Variants in EFCAB11 observed in about 807,000 individuals in gnomAD.
The protein encoded by EFCAB11 is EF-hand calcium-binding domain-containing protein 11.
EFCAB11 carries 14 observed loss-of-function variants against 23.0 expected under a neutral mutation model. The observed-to-expected ratio is 0.61, with a 90% CI of 0.40 to 0.95. The LOEUF (loss-of-function observed/expected upper bound fraction) is 0.95, where lower values mean the gene tolerates loss of function less well. Ranked by LOEUF, EFCAB11 falls within the 40% of genes least tolerant of loss-of-function variation. The pLI is 0.00. For missense variants in EFCAB11, 198 were observed against 195.8 expected (o/e 1.01, Z -0.07); for synonymous variants, 65 against 66.6 (o/e 0.98, Z 0.11).
chr14:89,835,643 T>TGTGTGTGTGTGTGTG (rs1491344939), intron 5 of EFCAB11, among the ~76,000 whole-genome samples: 94 of 138,878 alleles, frequency 6.8e-4, no homozygotes, highest in South Asian at 1.8e-3. Flanking sequence ...TGTGTGTGTG[T>TGTGTGTGTGTGTGTG]TTGAGACGTT....
intron 5 of EFCAB11, among the ~76,000 whole-genome samples, chr14:89,847,214 C>T (rs1887456650): frequency 6.6e-6 from 1 of 152,156 alleles, no homozygotes; most frequent in South Asian, 2.1e-4. Context: ...TTTTTGATCT[C>T]CTGATGGCAT....
At chr14:89,846,319 G>T (rs1887430366) in intron 5 of EFCAB11, among the ~76,000 whole-genome samples, 1 of 152,192 alleles carries the variant, frequency 6.6e-6, no homozygotes, top group Admixed American at 6.5e-5. Context: ...GATTCTATCA[G>T]ATTTCTTGGA....
In EFCAB11 at chr14:89,893,789, AC is replaced by A. The variant is rs1488954259; in HGVS notation, c.410+37751del. 1.9e-3 allele frequency among the ~76,000 whole-genome samples: 286 copies of A among 151,434 alleles called. 1 individual carries two copies. Among genetic ancestry groups the A allele is most frequent in the African/African-American group, 6.5e-3 (269 of 41,336 alleles). On this transcript the variant is annotated intron_variant, in intron 5 of 5. Coordinates refer to ENST00000316738, the MANE Select transcript of EFCAB11 (RefSeq NM_145231.4). Reference sequence around the variant, plus strand: ...GCACACTCGTCTCCAAAAAAAAAAAACAAACAAACAAAAAAAAAGATAATAG... The same window carrying A: ...GCACACTCGTCTCCAAAAAAAAAAAAAAACAAACAAAAAAAAAGATAATAG...
chr14:89,925,143 G>A (rs1452062929), intron 5 of EFCAB11, among the ~76,000 whole-genome samples: 1 of 152,198 alleles, frequency 6.6e-6, no homozygotes, highest in Non-Finnish European at 1.5e-5. Flanking sequence ...AACCTGGACA[G>A]GTAAGAGTAG....
intron 5 of EFCAB11, among the ~76,000 whole-genome samples, chr14:89,855,431 G>A (rs150496720): frequency 1.3e-5 from 2 of 151,936 alleles, no homozygotes; most frequent in Admixed American, 6.6e-5. Flanking sequence ...AGCCATGATC[G>A]TGCCTCTGTA....
rs10530483 is a variant in EFCAB11 at position 89,881,452 on chromosome 14, C to CATATATATATATATATATATAT, written c.410+50088_410+50089insATATATATATATATATATATAT. Among the ~76,000 whole-genome samples, 262 of 46,710 alleles carry CATATATATATATATATATATAT rather than the reference C, an allele frequency of 5.6e-3. 40 individuals are homozygous for CATATATATATATATATATATAT. The highest frequency in any genetic ancestry group is 0.012 in the African/African-American group (166 of 13,950). 30.6% of individuals were successfully genotyped at this position (46,710 alleles called of 152,430 possible). ...ATTTTTGGTCTACTTTATGACTTGG[C>CATATATATATATATATATATAT]ATATATATATATATTCTTTTTTTTT... On this transcript the variant is annotated intron_variant, in intron 5 of 5. Coordinates refer to ENST00000316738, the MANE Select transcript of EFCAB11 (RefSeq NM_145231.4).
In EFCAB11 at chr14:89,822,149, T is replaced by G. The variant is rs556620702; in HGVS notation, c.411-24825A>C. Among the ~76,000 whole-genome samples the G allele has an allele frequency of 8.5e-5, 13 of 152,116 alleles. No individual in the cohort carries two copies. The East Asian group carries it at 2.1e-3, about 25-fold the overall frequency. The stretch of plus-strand genomic sequence containing the variant: ...AATCTATTGTTAAAACACTGGAGCT[T>G]CTGGTGCGACCAGAGATGAAAACAC... On this transcript the variant is annotated intron_variant, in intron 5 of 5. Transcript: ENST00000316738.
At chr14:89,944,889 GATCTAATAATAA>G (rs1374324962) in intron 3 of EFCAB11, among the ~76,000 whole-genome samples, 10 of 144,906 alleles carry the variant, frequency 6.9e-5, no homozygotes, top group Middle Eastern at 3.7e-3. Flanking sequence ...GATTTTATTA[GATCTAATAATAA>G]ATCTAATAAA....
chr14:89,873,129 T>C (rs1888334082), intron 5 of EFCAB11, among the ~76,000 whole-genome samples: 2 of 152,148 alleles, frequency 1.3e-5, no homozygotes, highest in Admixed American at 1.3e-4. Context: ...TGACTCACAG[T>C]TCCACATGGC....
chr14:89,896,598 G>A (rs910569098), intron 5 of EFCAB11, among the ~76,000 whole-genome samples: 2 of 151,284 alleles, frequency 1.3e-5, no homozygotes, highest in Non-Finnish European at 2.9e-5. Context: ...ATGGGCACTA[G>A]GAATTATGAC....
chr14:89,919,107 C>T (rs920694630), intron 5 of EFCAB11, among the ~76,000 whole-genome samples: 65 of 151,762 alleles, frequency 4.3e-4, no homozygotes, highest in African/African-American at 1.4e-3. Context: ...GGATCAAGGC[C>T]GGCACCAGGG....
intron 5 of EFCAB11, among the ~76,000 whole-genome samples, chr14:89,850,817 A>G (rs1418747688): frequency 8.5e-5 from 13 of 152,216 alleles, no homozygotes; most frequent in Non-Finnish European, 1.5e-5. Flanking sequence ...TTCACGCTAC[A>G]TGGCCTCATT....
chr14:89,817,516 C>T (rs1252001778), intron 5 of EFCAB11, among the ~76,000 whole-genome samples: 1 of 151,718 alleles, frequency 6.6e-6, no homozygotes, highest in Admixed American at 6.6e-5. Context: ...GCTGAGACTC[C>T]TTCTTAAAAA....
intron 5 of EFCAB11, among the ~76,000 whole-genome samples, chr14:89,857,911 T>C (rs780671244): frequency 6.6e-6 from 1 of 152,180 alleles, no homozygotes; most frequent in Non-Finnish European, 1.5e-5. Context: ...AATAATAAAG[T>C]AGAAACCAGA....
chr14:89,883,353 T>A (rs1253984211), intron 5 of EFCAB11, among the ~76,000 whole-genome samples: 1 of 152,230 alleles, frequency 6.6e-6, no homozygotes, highest in African/African-American at 2.4e-5. Context: ...GGTGACTGAA[T>A]ATATAAATAT....
intron 2 of EFCAB11, among the ~76,000 whole-genome samples, chr14:89,950,565 C>CA (rs1347746920): frequency 6.6e-6 from 1 of 151,928 alleles, no homozygotes; most frequent in Non-Finnish European, 1.5e-5. Context: ...ATGAAAAATA[C>CA]AAAAAATTAT....
At chr14:89,915,030 T>TA (rs897760864) in intron 5 of EFCAB11, among the ~76,000 whole-genome samples, 59 of 150,904 alleles carry the variant, frequency 3.9e-4, no homozygotes, top group African/African-American at 1.2e-3. Flanking sequence ...TATTAATGGT[T>TA]AAAAAAAAAC....
chr14:89,875,260 T>G (rs1888400222), intron 5 of EFCAB11, among the ~76,000 whole-genome samples: 1 of 152,150 alleles, frequency 6.6e-6, no homozygotes, highest in African/African-American at 2.4e-5. Flanking sequence ...ATAAAGACCA[T>G]CAGATCTCAT....
At chr14:89,944,664 T>C (rs574542385) in intron 3 of EFCAB11, among the ~76,000 whole-genome samples, 22 of 152,130 alleles carry the variant, frequency 1.4e-4, no homozygotes, top group African/African-American at 5.1e-4. Flanking sequence ...AAGTTGTAAC[T>C]AATGGAACAT....
Sources: allele counts gnomAD v4.1 joint callset (sites outside exome capture counted in the v4.1 genomes callset), GRCh38; gene constraint gnomAD v4.1.1; transcripts MANE v1.5; gene names NCBI Gene and HGNC (gene_info 2026-07-23, HGNC 2026-07-21).